Variants in PLPPR1 observed in about 807,000 individuals in gnomAD.
PLPPR1 encodes phospholipid phosphatase related 1.
Under a neutral mutation model 33.1 loss-of-function variants are expected in PLPPR1, and 10 were observed. That is an observed-to-expected ratio of 0.30 (90% CI 0.19 to 0.51). The LOEUF is 0.51. Among genes scored for constraint, PLPPR1 ranks in the 20% least tolerant of loss-of-function variants. PLPPR1 has a pLI of 0.97. For missense variants in PLPPR1, 304 were observed against 408.1 expected (o/e 0.74, Z 2.20); for synonymous variants, 151 against 151.0 (o/e 1.00, Z 0.00).
chr9:101,303,956 T>G (rs1441130318), intron 4 of PLPPR1, among the ~76,000 whole-genome samples: 4 of 152,232 alleles, frequency 2.6e-5, no homozygotes, highest in African/African-American at 9.6e-5. Flanking sequence ...TCATCATGAC[T>G]TGAGTTTCTT....
At chr9:101,172,128 G>A (rs1013857953) in intron 1 of PLPPR1, among the ~76,000 whole-genome samples, 14 of 152,008 alleles carry the variant, frequency 9.2e-5, no homozygotes, top group Non-Finnish European at 1.5e-4. Context: ...CTTCTAGGGA[G>A]TTTCACCATG....
chr9:101,106,079 C>G (rs926309956), intron 1 of PLPPR1, among the ~76,000 whole-genome samples: 2 of 151,458 alleles, frequency 1.3e-5, no homozygotes, highest in African/African-American at 2.4e-5. Flanking sequence ...ATACAGCACA[C>G]TGATGGTCTT....
intron 7 of PLPPR1, among the ~76,000 whole-genome samples, chr9:101,319,568 T>G (rs910686121): frequency 6.6e-6 from 1 of 152,236 alleles, no homozygotes; most frequent in Non-Finnish European, 1.5e-5. Context: ...TTGTTTTCCC[T>G]TAATTTGTAT....
rs571331893 is a variant in PLPPR1 at position 101,278,885 on chromosome 9, C to T, written c.253-7219C>T. On this transcript the variant is annotated intron_variant, in intron 3 of 7. Coordinates refer to ENST00000374874, the MANE Select transcript of PLPPR1 (RefSeq NM_207299.2). ...TGGGCATACCCCACCCCTGTAGTGA[C>T]CCTGCGATTCAGAACCAAGCTTAAT... is the stretch of plus-strand genomic sequence containing the variant. Among the ~76,000 whole-genome samples the T allele has an allele frequency of 8.5e-5, 13 of 152,338 alleles. No homozygotes were observed. The South Asian group carries it at 2.3e-3, about 27-fold the overall frequency.
intron 2 of PLPPR1, among the ~76,000 whole-genome samples, chr9:101,188,259 G>A (rs1826237844): frequency 6.6e-6 from 1 of 152,040 alleles, no homozygotes; most frequent in South Asian, 2.1e-4. Flanking sequence ...AGCTCTCTTA[G>A]TTTGACACAT....
chr9:101,159,031 G>A (rs536427050), intron 1 of PLPPR1, among the ~76,000 whole-genome samples: 25 of 152,284 alleles, frequency 1.6e-4, no homozygotes, highest in South Asian at 4.1e-4. Context: ...AGTCAAACAT[G>A]TTTAATTAGA....
At chr9:101,204,181 G>A (rs1826547601) in intron 2 of PLPPR1, among the ~76,000 whole-genome samples, 1 of 152,050 alleles carries the variant, frequency 6.6e-6, no homozygotes, top group Non-Finnish European at 1.5e-5. Flanking sequence ...TTTGTTATTT[G>A]TTTTCAAGAG....
chr9:101,064,551 T>C (rs758973925), intron 1 of PLPPR1, among the ~76,000 whole-genome samples: 25 of 151,970 alleles, frequency 1.6e-4, no homozygotes, highest in Non-Finnish European at 2.6e-4. Context: ...GGACTTAACC[T>C]TGGAAGCAGG....
chr9:101,166,147 T>C (rs1384781273), intron 1 of PLPPR1, among the ~76,000 whole-genome samples: 1 of 152,220 alleles, frequency 6.6e-6, no homozygotes, highest in Non-Finnish European at 1.5e-5. Context: ...CCAGCATCAC[T>C]GCACGTCCAC....
At chr9:101,135,514 C>T (rs1383546287) in intron 1 of PLPPR1, among the ~76,000 whole-genome samples, 1 of 152,164 alleles carries the variant, frequency 6.6e-6, no homozygotes, top group African/African-American at 2.4e-5. Flanking sequence ...TTTTCTCTCT[C>T]ACTTTTACCA....
chr9:101,100,197 C>A (rs1280224062), intron 1 of PLPPR1, among the ~76,000 whole-genome samples: 1 of 151,710 alleles, frequency 6.6e-6, no homozygotes, highest in African/African-American at 2.4e-5. Flanking sequence ...TAGAACGCAG[C>A]AAAGTAGAAA....
intron 1 of PLPPR1, among the ~76,000 whole-genome samples, chr9:101,042,352 G>C (rs1588004043): frequency 1.3e-5 from 2 of 152,132 alleles, no homozygotes; most frequent in South Asian, 4.1e-4. Context: ...GTGGATCCAA[G>C]GGGACAGTTG....
At chr9:101,301,194 C>T (rs1360472715) in intron 4 of PLPPR1, among the ~76,000 whole-genome samples, 3 of 151,918 alleles carry the variant, frequency 2.0e-5, no homozygotes, top group African/African-American at 7.3e-5. Flanking sequence ...TTTTCTAAAC[C>T]ACCAGCTTAT....
chr9:101,207,975 C>G (rs1183113485), intron 2 of PLPPR1, among the ~76,000 whole-genome samples: 1 of 152,100 alleles, frequency 6.6e-6, no homozygotes, highest in Non-Finnish European at 1.5e-5. Context: ...TCAGGAAATC[C>G]AAATTCTGAT....
intron 2 of PLPPR1, among the ~76,000 whole-genome samples, chr9:101,226,840 G>A (rs1479747097): frequency 1.3e-5 from 2 of 152,028 alleles, no homozygotes; most frequent in Non-Finnish European, 2.9e-5. Flanking sequence ...AGGGCCAGAA[G>A]GGAGAAGGAA....
intron 1 of PLPPR1, among the ~76,000 whole-genome samples, chr9:101,065,005 C>T (rs991214847): frequency 2.0e-4 from 30 of 152,118 alleles, no homozygotes; most frequent in Admixed American, 1.8e-3. Context: ...AACACGTCTA[C>T]ACTGGGGACC....
Position 101,309,561 on chromosome 9 carries a change from T to C in PLPPR1, c.636+100T>C, listed in dbSNP as rs555462972. The C allele has an allele frequency of 5.4e-6, 7 of 1,293,398 alleles. No individual in the cohort carries two copies. In the East Asian group the frequency reaches 1.6e-4, roughly 30 times the overall value. The allele number at this position is 1,293,398 out of a possible 1,614,324, so 80.1% of individuals were successfully genotyped here. On this transcript the variant is annotated intron_variant, in intron 5 of 7. Transcript: ENST00000374874. ...TTTCATTGTCACTTATAGCGACTCT[T>C]AAATTTATGTATGGCATATTTCTCT... is the stretch of plus-strand genomic sequence containing the variant.
intron 2 of PLPPR1, among the ~76,000 whole-genome samples, chr9:101,263,675 GGAGA>G (rs921607821): frequency 1.3e-5 from 2 of 152,168 alleles, no homozygotes; most frequent in Non-Finnish European, 2.9e-5. Context: ...AAATTTGAGT[GGAGA>G]GAGATATTTA....
rs139028227 is a variant in PLPPR1 at position 101,268,139 on chromosome 9, T to C, written c.64-1741T>C. ...AGGGGGGAGAGATAGCATTAGGAGATATACCTAATGTAAATGATGAATTAA... is the reference window on the plus strand; with the variant it reads ...AGGGGGGAGAGATAGCATTAGGAGACATACCTAATGTAAATGATGAATTAA... On this transcript the variant is annotated intron_variant, in intron 2 of 7. Transcript: ENST00000374874. Among the ~76,000 whole-genome samples the C allele has an allele frequency of 8.6e-3, 1,306 of 151,950 alleles. 13 individuals carry two copies. The highest frequency in any genetic ancestry group is 0.028 in the African/African-American group (1,154 of 41,412).
Sources: allele counts gnomAD v4.1 joint callset (sites outside exome capture counted in the v4.1 genomes callset), GRCh38; gene constraint gnomAD v4.1.1; transcripts MANE v1.5; gene names NCBI Gene and HGNC (gene_info 2026-07-23, HGNC 2026-07-21).